The following AFF3 variants were observed in gnomAD, a reference collection of about 807,000 sequenced individuals.
AFF3 encodes ALF transcription elongation factor 3, also known as AF4/FMR2 family member 3.
Under a neutral mutation model 129.7 loss-of-function variants are expected in AFF3, and 32 were observed. That is an observed-to-expected ratio of 0.25 (90% CI 0.19 to 0.33). The LOEUF (loss-of-function observed/expected upper bound fraction) is 0.33, where lower values mean the gene tolerates loss of function less well. Among genes scored for constraint, AFF3 ranks in the 10% least tolerant of loss-of-function variants. The pLI is 1.00. For missense variants in AFF3, 1,373 were observed against 1,592.0 expected, an observed-to-expected ratio of 0.86 and a Z score of 2.34; for synonymous variants, 644 against 635.4, an observed-to-expected ratio of 1.01 and a Z score of -0.20.
At chr2:99,851,484 A>G (rs1056857840) in intron 7 of AFF3, among the ~76,000 whole-genome samples, 5 of 152,240 alleles carry the variant, frequency 3.3e-5, no homozygotes, top group African/African-American at 1.2e-4. Flanking sequence ...TTTGCCTTCT[A>G]TAGCACTTTG....
At chr2:99,699,821 G>GT (rs1160437079) in intron 11 of AFF3, among the ~76,000 whole-genome samples, 3 of 152,216 alleles carry the variant, frequency 2.0e-5, no homozygotes, top group African/African-American at 4.8e-5. Context: ...TGGTTTCTGT[G>GT]TATCAATTGT....
chr2:99,810,160 ATACTGG>A, intron 8 of AFF3, among the ~76,000 whole-genome samples: 1 of 152,330 alleles, frequency 6.6e-6, no homozygotes, highest in East Asian at 1.9e-4. Context: ...GCTTGAACCA[ATACTGG>A]TACCTCACAG....
In AFF3 at chr2:99,881,602, C is replaced by T. The variant is rs186783153; in HGVS notation, c.874-44078G>A. On this transcript the variant is annotated intron_variant, in intron 7 of 24. Coordinates refer to ENST00000672756, the MANE Select transcript of AFF3 (RefSeq NM_001386135.1). Reference sequence around the variant, plus strand: ...GGTGATTTGAAAAGAAAAAAAAAATCGCATTTTAAAATGGTATGCCCTGTA... The same window carrying T: ...GGTGATTTGAAAAGAAAAAAAAAATTGCATTTTAAAATGGTATGCCCTGTA... Among the ~76,000 whole-genome samples the T allele has an allele frequency of 3.0e-4, 45 of 152,038 alleles. No individual in the cohort carries two copies. In the East Asian group the frequency reaches 8.5e-3, roughly 29 times the overall value.
In AFF3 at chr2:99,629,346, A is replaced by G. The variant is rs139979860; in HGVS notation, c.1184+20280T>C. ...ACAAACTCGACATACAAAAATCACT[A>G]GCATTCCTATATACCAACAATAGCT... On this transcript the variant is annotated intron_variant, in intron 13 of 24. Coordinates refer to ENST00000672756, the MANE Select transcript of AFF3 (RefSeq NM_001386135.1). Among the ~76,000 whole-genome samples the G allele has an allele frequency of 8.3e-3, 1,270 of 152,352 alleles. 13 individuals are homozygous for G. The highest frequency in any genetic ancestry group is 0.061 in the Middle Eastern group (18 of 294).
chr2:100,053,388 G>A (rs1686511255), intron 4 of AFF3, among the ~76,000 whole-genome samples: 1 of 152,198 alleles, frequency 6.6e-6, no homozygotes, highest in South Asian at 2.1e-4. Context: ...ACACATGGGG[G>A]CATTACATTA....
At chr2:99,928,615 A>G (rs916775127) in intron 7 of AFF3, among the ~76,000 whole-genome samples, 1 of 152,226 alleles carries the variant, frequency 6.6e-6, no homozygotes, top group Non-Finnish European at 1.5e-5. Flanking sequence ...GTGTAAACTA[A>G]GTTAGGTTCC....
chr2:100,009,017 T>C (rs770235118), intron 4 of AFF3, 85 bp from the exon 5 acceptor site: 51 of 1,522,220 alleles, frequency 3.4e-5, no homozygotes, highest in Non-Finnish European at 4.5e-5. Context: ...AGTGCAGAAG[T>C]CTGGTTCGTG....
chr2:99,695,961 C>CTAAAAAAAAAAAAAAAAAAAAAAAA (rs1676211407), intron 11 of AFF3, among the ~76,000 whole-genome samples: 1 of 81,162 alleles, frequency 1.2e-5, no homozygotes, highest in African/African-American at 5.1e-5. Context: ...AAAAAAAAAA[C>CTAAAAAAAAAAAAAAAAAAAAAAAA]CAAAAGAAAA....
chr2:99,947,780 C>T (rs1675777505), intron 7 of AFF3, among the ~76,000 whole-genome samples: 1 of 152,026 alleles, frequency 6.6e-6, no homozygotes. Context: ...TTGGGGAATG[C>T]ACATGATTCT....
chr2:100,021,467 C>G (rs190131128), intron 4 of AFF3, among the ~76,000 whole-genome samples: 5 of 152,286 alleles, frequency 3.3e-5, no homozygotes, highest in African/African-American at 1.2e-4. Context: ...ATGCATATCA[C>G]CATTTGAACA....
chr2:99,658,863 G>C (rs558866457), intron 12 of AFF3, among the ~76,000 whole-genome samples: 52 of 152,252 alleles, frequency 3.4e-4, no homozygotes, highest in African/African-American at 1.3e-3. Flanking sequence ...TGGGACACTG[G>C]GTGGATGCTA....
rs547800031 is a variant in AFF3, at chr2:99,916,347, G to A, written c.874-78823C>T. On this transcript the variant is annotated intron_variant, in intron 7 of 24. Transcript: ENST00000672756. ...GCACAGCATTTACTACTGTCTAAAA[G>A]TCTATCACTTATTTACAAAGTTACG... is the stretch of plus-strand genomic sequence containing the variant. Among the ~76,000 whole-genome samples, 23 of 152,274 alleles carry A rather than the reference G, an allele frequency of 1.5e-4. No homozygotes were observed. The South Asian group carries it at 4.1e-3, about 27-fold the overall frequency.
At chr2:99,656,054 A>G (rs1320604685) in intron 12 of AFF3, among the ~76,000 whole-genome samples, 1 of 152,194 alleles carries the variant, frequency 6.6e-6, no homozygotes, top group African/African-American at 2.4e-5. Context: ...GGGGCATAAG[A>G]GCAGGGGGCA....
intron 4 of AFF3, among the ~76,000 whole-genome samples, chr2:100,091,153 GGCAAGTTACCTTGT>G (rs1336317148): frequency 6.6e-6 from 1 of 151,578 alleles, no homozygotes; most frequent in East Asian, 2.0e-4. Context: ...TGGGACCTTG[GGCAAGTTACCTTGT>G]GCCTTTGTTT....
chr2:100,011,385 C>T (rs1370530915), intron 4 of AFF3: 4 of 755,174 alleles, frequency 5.3e-6, no homozygotes, highest in Non-Finnish European at 9.8e-6. Flanking sequence ...CCCAACCAGA[C>T]ACACAAGACT....
intron 6 of AFF3, 37 bp from the exon 7 acceptor site, chr2:100,007,054 A>AG: frequency 6.3e-7 from 1 of 1,591,226 alleles, no homozygotes; most frequent in Non-Finnish European, 8.6e-7. Flanking sequence ...GATAAGGATG[A>AG]GGGGGGTCGA....
chr2:99,869,374 A>G (rs923429960), intron 7 of AFF3, among the ~76,000 whole-genome samples: 15 of 151,632 alleles, frequency 9.9e-5, no homozygotes, highest in African/African-American at 3.4e-4. Context: ...CATTCACTCA[A>G]TAAACATTTA....
chr2:99,909,085 C>G (rs1334118411), intron 7 of AFF3, among the ~76,000 whole-genome samples: 3 of 152,002 alleles, frequency 2.0e-5, no homozygotes, highest in African/African-American at 7.2e-5. Flanking sequence ...TTGGAACCAA[C>G]CCAAATGTCC....
At chr2:99,624,240 T>C (rs575738263) in intron 13 of AFF3, among the ~76,000 whole-genome samples, 6 of 152,034 alleles carry the variant, frequency 3.9e-5, no homozygotes, top group Non-Finnish European at 8.8e-5. Flanking sequence ...AGTAGAAAGG[T>C]GGAAGAAAAT....
Sources: allele counts gnomAD v4.1 joint callset (sites outside exome capture counted in the v4.1 genomes callset), GRCh38; gene constraint gnomAD v4.1.1; transcripts MANE v1.5; gene names NCBI Gene and HGNC (gene_info 2026-07-23, HGNC 2026-07-21).